Variants in SORCS1 observed in about 807,000 individuals in gnomAD.
SORCS1 encodes VPS10 domain-containing receptor SorCS1.
SORCS1 carries 60 observed loss-of-function variants against 146.1 expected under a neutral mutation model. That is an observed-to-expected ratio of 0.41 (90% CI 0.33 to 0.51). The LOEUF (loss-of-function observed/expected upper bound fraction) is 0.51, where lower values mean the gene tolerates loss of function less well. SORCS1 is among the 20% of genes least tolerant of loss of function. The pLI, the probability that SORCS1 is intolerant of heterozygous loss-of-function variation, is 0.21. For synonymous variants in SORCS1, 637 were observed against 584.0 expected, an observed-to-expected ratio of 1.09 and a Z score of -1.31; for missense variants, 1,352 against 1,487.6, an observed-to-expected ratio of 0.91 and a Z score of 1.50.
chr10:106,894,249 G>A (rs980819529), intron 2 of SORCS1, among the ~76,000 whole-genome samples: 1 of 147,562 alleles, frequency 6.8e-6, no homozygotes, highest in Non-Finnish European at 1.5e-5. Flanking sequence ...GTGTGTGTGT[G>A]TGTGCGCGCG....
chr10:106,643,573 T>C (rs1189525226), intron 18 of SORCS1, among the ~76,000 whole-genome samples: 1 of 152,260 alleles, frequency 6.6e-6, no homozygotes, highest in Non-Finnish European at 1.5e-5. Context: ...GAACAGAGTG[T>C]CAAGAAACCA....
At chr10:106,821,660 G>T (rs1246540401) in intron 3 of SORCS1, among the ~76,000 whole-genome samples, 2 of 152,152 alleles carry the variant, frequency 1.3e-5, no homozygotes, top group African/African-American at 4.8e-5. Flanking sequence ...GGTGGCTCAT[G>T]CCTGTAATCC....
At chr10:106,665,440 C>A (rs1393449964) in intron 17 of SORCS1, among the ~76,000 whole-genome samples, 1 of 147,352 alleles carries the variant, frequency 6.8e-6, no homozygotes, top group Non-Finnish European at 1.5e-5. Context: ...CCAGGGTGGC[C>A]TTGAACTCCT....
At chr10:106,835,413 T>C (rs1031996806) in intron 2 of SORCS1, among the ~76,000 whole-genome samples, 1 of 152,230 alleles carries the variant, frequency 6.6e-6, no homozygotes, top group Admixed American at 6.5e-5. Context: ...TTTGGTGTTC[T>C]TTGCTCAATA....
chr10:106,809,883 G>A (rs917880283), intron 3 of SORCS1, among the ~76,000 whole-genome samples: 4 of 152,150 alleles, frequency 2.6e-5, no homozygotes, highest in African/African-American at 7.2e-5. Context: ...TTATGGAATA[G>A]AACATGTCCA....
chr10:106,727,526 C>T (rs111482702), intron 6 of SORCS1, among the ~76,000 whole-genome samples: 2,308 of 152,192 alleles, frequency 0.015, 63 homozygotes, highest in African/African-American at 0.053. Context: ...GCTCTGGAGA[C>T]ACAATACTGA....
chr10:106,989,406 C>T (rs1956648401), intron 1 of SORCS1, among the ~76,000 whole-genome samples: 1 of 151,378 alleles, frequency 6.6e-6, no homozygotes, highest in Admixed American at 6.6e-5. Flanking sequence ...TGTATGGGAA[C>T]TTAACTCTCA....
intron 23 of SORCS1, among the ~76,000 whole-genome samples, chr10:106,597,677 A>T (rs887171462): frequency 6.6e-6 from 1 of 152,224 alleles, no homozygotes; most frequent in African/African-American, 2.4e-5. Context: ...AGAAACTATT[A>T]GTGAATGAAA....
chr10:107,133,421 C>A (rs932601071), intron 1 of SORCS1, among the ~76,000 whole-genome samples: 2 of 152,016 alleles, frequency 1.3e-5, no homozygotes, highest in Admixed American at 1.3e-4. Flanking sequence ...CAGAGAAAGT[C>A]CCTCCTGTGT....
At chr10:106,623,811 G>A (rs772642541) in intron 19 of SORCS1, among the ~76,000 whole-genome samples, 2 of 152,066 alleles carry the variant, frequency 1.3e-5, no homozygotes, top group African/African-American at 4.8e-5. Context: ...GATTACAGGG[G>A]CGTGCCACCA....
intron 3 of SORCS1, among the ~76,000 whole-genome samples, chr10:106,815,968 T>C (rs1947723731): frequency 1.3e-5 from 2 of 152,204 alleles, no homozygotes; most frequent in African/African-American, 4.8e-5. Flanking sequence ...AATTTCAAGC[T>C]CTATTTACTT....
At chr10:106,589,474 C>T (rs974904946) in intron 24 of SORCS1, among the ~76,000 whole-genome samples, 1 of 152,082 alleles carries the variant, frequency 6.6e-6, no homozygotes, top group Non-Finnish European at 1.5e-5. Flanking sequence ...AGATTTAAAT[C>T]GGCAATTAAG....
Position 107,028,552 on chromosome 10 carries a change from C to T in SORCS1, c.559-71972G>A, listed in dbSNP as rs560803438. On this transcript the variant is annotated intron_variant, in intron 1 of 25. Transcript: ENST00000263054. ...CATATTGCCTGGGACTTCATAGGTGCTCATTAGTAAGAGCATCATTTTAAT... is the reference window on the plus strand; with the variant it reads ...CATATTGCCTGGGACTTCATAGGTGTTCATTAGTAAGAGCATCATTTTAAT... 2.0e-4 allele frequency among the ~76,000 whole-genome samples: 30 copies of T among 152,264 alleles called. 1 individual carries two copies. Among genetic ancestry groups the T allele is most frequent in the African/African-American group, 6.7e-4 (28 of 41,548 alleles).
At chr10:106,679,136 T>C (rs997924375) in intron 12 of SORCS1, 120 bp downstream of exon 12, 20 of 638,662 alleles carry the variant, frequency 3.1e-5, no homozygotes, top group African/African-American at 2.9e-4. Context: ...AAAATAAACA[T>C]ATTCACAGTC....
rs1249902470 is a variant in SORCS1 at position 106,629,215 on chromosome 10, G to A, written c.2649C>T (p.Tyr883=). 1.2e-6 allele frequency: 2 copies of A among 1,613,742 alleles called. No homozygotes were observed. Among genetic ancestry groups the A allele is most frequent in the South Asian group, 2.2e-5 (2 of 91,002 alleles). Residue 883 remains tyrosine (Y), a synonymous_variant, in exon 19 of 26, where the codon TAC becomes TAT. Coordinates refer to ENST00000263054, the MANE Select transcript of SORCS1 (RefSeq NM_052918.5). ...GTAATAACATACAAGTTACATGTAA[G>A]TACAGGACGGCGCTGTCAGAACCCA... ...NSLGSDSAVL[Y]LHVTCPLEHV... is the part of the protein sequence containing the mutation.
intron 1 of SORCS1, among the ~76,000 whole-genome samples, chr10:106,964,960 G>A (rs1006792720): frequency 6.6e-6 from 1 of 150,492 alleles, no homozygotes; most frequent in Non-Finnish European, 1.5e-5. Context: ...CTAGTAGAAT[G>A]CCGTTTGCAG....
At chr10:106,833,496 T>C (rs1442995985) in intron 2 of SORCS1, among the ~76,000 whole-genome samples, 2 of 152,202 alleles carry the variant, frequency 1.3e-5, no homozygotes, top group African/African-American at 2.4e-5. Flanking sequence ...GTAAATACTT[T>C]CAAACCAGTT....
intron 22 of SORCS1, among the ~76,000 whole-genome samples, chr10:106,608,998 A>AGCCCT (rs1846792949): frequency 1.3e-5 from 2 of 152,212 alleles, no homozygotes; most frequent in Admixed American, 1.3e-4. Context: ...CTCTGCCCAT[A>AGCCCT]GCCCTCCCAG....
chr10:107,066,294 G>A (rs1290607738), intron 1 of SORCS1, among the ~76,000 whole-genome samples: 1 of 152,124 alleles, frequency 6.6e-6, no homozygotes, highest in East Asian at 1.9e-4. Context: ...AGTTGTCACT[G>A]TACTTTGATC....
Sources: allele counts gnomAD v4.1 joint callset (sites outside exome capture counted in the v4.1 genomes callset), GRCh38; gene constraint gnomAD v4.1.1; transcripts MANE v1.5; gene names NCBI Gene and HGNC (gene_info 2026-07-23, HGNC 2026-07-21).